CALN1: variants seen among roughly 807,000 people sequenced by gnomAD.
CALN1 encodes the protein calcium-binding protein 8.
A neutral mutation model predicts 30.6 loss-of-function variants in CALN1; 17 were observed. The observed-to-expected ratio is 0.56, with a 90% CI of 0.38 to 0.83. The LOEUF (loss-of-function observed/expected upper bound fraction) is 0.83, where lower values mean the gene tolerates loss of function less well. CALN1 is among the 40% of genes least tolerant of loss of function. The pLI is 0.00. For synonymous variants in CALN1, 156 were observed against 131.4 expected (o/e 1.19, Z -1.28); for missense variants, 291 against 354.9 (o/e 0.82, Z 1.45).
chr7:72,483,409 T>C, the CALN1 span, among the ~76,000 whole-genome samples: 3 of 151,664 alleles, frequency 2.0e-5, no homozygotes, highest in African/African-American at 7.3e-5. Flanking sequence ...CTCAGCCTCC[T>C]GTGTAGCTAG....
the CALN1 span, among the ~76,000 whole-genome samples, chr7:72,480,703 T>G: frequency 3.8e-3 from 575 of 152,318 alleles, no homozygotes; most frequent in Non-Finnish European, 4.6e-3. Context: ...ATTCAATTTC[T>G]TCACTAGACA....
At chr7:71,925,318 A>T (rs1248475281) in intron 5 of CALN1, among the ~76,000 whole-genome samples, 1 of 151,964 alleles carries the variant, frequency 6.6e-6, no homozygotes, top group Non-Finnish European at 1.5e-5. Context: ...AGAAAGATTG[A>T]TTTATATTGA....
chr7:72,139,956 G>C (rs548533013), intron 3 of CALN1, among the ~76,000 whole-genome samples: 1 of 152,082 alleles, frequency 6.6e-6, no homozygotes, highest in Non-Finnish European at 1.5e-5. Flanking sequence ...CTGTAATCTC[G>C]TTGGAATATT....
At chr7:72,257,225 T>C (rs1266915931) in intron 3 of CALN1, among the ~76,000 whole-genome samples, 3 of 152,160 alleles carry the variant, frequency 2.0e-5, no homozygotes, top group African/African-American at 7.2e-5. Flanking sequence ...CCGCCCCCAT[T>C]ATCCAATCAC....
At chr7:72,380,451 C>T (rs6979645) in intron 2 of CALN1, among the ~76,000 whole-genome samples, 58,256 of 151,956 alleles carry the variant, frequency 0.38, 11,908 homozygotes, top group Admixed American at 0.46. Context: ...AGCAAGACCC[C>T]GTCTCTACGA....
intron 5 of CALN1, among the ~76,000 whole-genome samples, chr7:71,936,904 T>C (rs1197432498): frequency 6.6e-6 from 1 of 152,160 alleles, no homozygotes; most frequent in Non-Finnish European, 1.5e-5. Context: ...CAGGAGTTTC[T>C]GCTTTTGTAT....
intron 2 of CALN1, among the ~76,000 whole-genome samples, chr7:72,369,875 G>A (rs1257403944): frequency 6.6e-6 from 1 of 152,110 alleles, no homozygotes; most frequent in Admixed American, 6.5e-5. Context: ...CCTATTGATG[G>A]ACATTTAACA....
chr7:71,846,843 ATAT>A (rs1790273079), intron 5 of CALN1, among the ~76,000 whole-genome samples: 1 of 140,210 alleles, frequency 7.1e-6, no homozygotes, highest in Non-Finnish European at 1.5e-5. Flanking sequence ...ACATGTGTAT[ATAT>A]TATATATGTA....
At chr7:71,796,916 G>A (rs1021420476) in intron 6 of CALN1, among the ~76,000 whole-genome samples, 22 of 152,192 alleles carry the variant, frequency 1.4e-4, no homozygotes, top group African/African-American at 5.3e-4. Context: ...CTGCCTCAGT[G>A]AGACCTGGGT....
At chr7:72,096,860 A>G (rs1001296903) in intron 4 of CALN1, among the ~76,000 whole-genome samples, 19 of 152,196 alleles carry the variant, frequency 1.2e-4, no homozygotes, top group African/African-American at 4.1e-4. Context: ...ACATGCACAC[A>G]TATGTTTATT....
At chr7:72,314,489 T>A in intron 2 of CALN1, among the ~76,000 whole-genome samples, 1 of 151,414 alleles carries the variant, frequency 6.6e-6, no homozygotes. Flanking sequence ...AGTGGCACAA[T>A]TTTGGCTCAC....
rs531527828 is a variant in CALN1 at position 72,370,819 on chromosome 7, G to A, written c.119+32432C>T. On this transcript the variant is annotated intron_variant, in intron 2 of 6. Transcript: ENST00000395275. ...CCCAGCACTTTGGGAGGCCAAGGCA[G>A]TGGATTACTTGAGGTTAGGAGTTTG... Among the ~76,000 whole-genome samples the A allele has an allele frequency of 6.6e-5, 10 of 152,226 alleles. No homozygotes were observed. The South Asian group carries it at 2.1e-3, about 32-fold the overall frequency.
intron 3 of CALN1, among the ~76,000 whole-genome samples, chr7:72,219,692 C>T (rs1365136766): frequency 7.2e-6 from 1 of 138,056 alleles, no homozygotes; most frequent in Non-Finnish European, 1.6e-5. Flanking sequence ...CACATGCACA[C>T]ATGCAATGCA....
At chr7:72,095,341 G>A (rs1244316862) in intron 4 of CALN1, among the ~76,000 whole-genome samples, 2 of 152,128 alleles carry the variant, frequency 1.3e-5, no homozygotes, top group Non-Finnish European at 2.9e-5. Flanking sequence ...TGGGGTCCTG[G>A]TGAGCATTAC....
intron 2 of CALN1, among the ~76,000 whole-genome samples, chr7:72,358,844 G>C (rs1224668081): frequency 2.0e-5 from 3 of 151,916 alleles, no homozygotes; most frequent in African/African-American, 7.3e-5. Context: ...TGTAATCCCA[G>C]CTACTCGGTA....
intron 3 of CALN1, among the ~76,000 whole-genome samples, chr7:72,213,008 C>T (rs1792522283): frequency 1.3e-5 from 2 of 152,128 alleles, no homozygotes; most frequent in African/African-American, 4.8e-5. Flanking sequence ...CTCTCAGGAC[C>T]CTCCTTGCTG....
intron 4 of CALN1, among the ~76,000 whole-genome samples, chr7:72,034,521 G>A (rs544472344): frequency 1.6e-4 from 25 of 151,646 alleles, no homozygotes; most frequent in Admixed American, 1.4e-3. Context: ...GCCCGGGAAC[G>A]GTGGCTCACC....
chr7:72,368,787 T>G (rs549472881), intron 2 of CALN1, among the ~76,000 whole-genome samples: 1 of 147,442 alleles, frequency 6.8e-6, no homozygotes, highest in African/African-American at 2.5e-5. Flanking sequence ...GATTTCACCA[T>G]CACAGAGAAT....
chr7:72,469,553 C>G, the CALN1 span, among the ~76,000 whole-genome samples: 4 of 152,118 alleles, frequency 2.6e-5, no homozygotes, highest in Non-Finnish European at 4.4e-5. Context: ...CACACCACCA[C>G]GTCCAGCTCA....
Sources: gnomAD v4.1 joint callset for allele counts (sites outside exome capture counted in the v4.1 genomes callset) on GRCh38, gnomAD v4.1.1 for gene constraint, MANE v1.5 for transcripts, NCBI Gene and HGNC (gene_info 2026-07-23, HGNC 2026-07-21) for gene names.